The following NFYB variants were observed in gnomAD, a reference collection of about 807,000 sequenced individuals.
The protein encoded by NFYB is CAAT box DNA-binding protein subunit B.
Under a neutral mutation model 28.0 loss-of-function variants are expected in NFYB, and 13 were observed. The ratio of observed to expected loss-of-function variants is 0.46; its 90% confidence interval spans 0.30 to 0.74. The LOEUF (loss-of-function observed/expected upper bound fraction) is 0.74. Among genes scored for constraint, NFYB ranks in the 30% least tolerant of loss-of-function variants. The pLI, the probability that NFYB is intolerant of heterozygous loss-of-function variation, is 0.07. For synonymous variants in NFYB, 74 were observed against 75.0 expected (o/e 0.99, Z 0.07); for missense variants, 142 against 247.6 (o/e 0.57, Z 2.86).
intron 4 of NFYB, 27 bp from the exon 5 acceptor site, chr12:104,123,450 CA>C (rs2030560539): frequency 6.3e-7 from 1 of 1,598,192 alleles, no homozygotes; most frequent in Non-Finnish European, 8.6e-7. Context: ...AGGTAAATTA[CA>C]GAAACTATAA....
intron 2 of NFYB, among the ~76,000 whole-genome samples, chr12:104,134,222 T>C (rs2031024485): frequency 1.3e-5 from 2 of 152,238 alleles, no homozygotes; most frequent in Non-Finnish European, 2.9e-5. Context: ...TCTATGCTTA[T>C]AAATGCCAAA....
chr12:104,122,523 C>T (rs1218333753), intron 5 of NFYB, among the ~76,000 whole-genome samples: 4 of 152,234 alleles, frequency 2.6e-5, no homozygotes, highest in Non-Finnish European at 5.9e-5. Context: ...CTGAGCTCCG[C>T]CTTCGGTCAG....
chr12:104,137,478 G>A (rs1463332691), intron 1 of NFYB: 1 of 152,154 alleles, frequency 6.6e-6, no homozygotes, highest in Non-Finnish European at 1.5e-5. Context: ...CCCCACGCAG[G>A]TGCCTGGGTG....
At chr12:104,122,803 A>G (rs2030530749) in intron 5 of NFYB, among the ~76,000 whole-genome samples, 1 of 152,224 alleles carries the variant, frequency 6.6e-6, no homozygotes, top group Admixed American at 6.5e-5. Flanking sequence ...AATGTTACAT[A>G]ATTTACTACA....
intron 3 of NFYB, among the ~76,000 whole-genome samples, chr12:104,126,650 G>A (rs2030727178): frequency 1.3e-5 from 2 of 151,816 alleles, no homozygotes; most frequent in South Asian, 2.1e-4. Context: ...TTAATGTCAC[G>A]AATCAGCTTT....
In NFYB at chr12:104,126,250, G is replaced by A. The variant is rs779012896; in HGVS notation, c.101-6C>T. 6.5e-6 allele frequency: 10 copies of A among 1,540,958 alleles called. No individual in the cohort carries two copies. In the East Asian group the frequency reaches 2.4e-4, roughly 36 times the overall value. On this transcript the variant is annotated splice_polypyrimidine_tract_variant and splice_region_variant and intron_variant, in intron 3 of 7. Transcript: ENST00000240055. The stretch of plus-strand genomic sequence containing the variant: ...ATTCATGCTGTCCTCAGTATCTAAA[G>A]AAATAAAAATATTTAGGTGTAAAGC...
At chr12:104,136,341 G>A (rs2031099102) in intron 1 of NFYB, among the ~76,000 whole-genome samples, 1 of 152,116 alleles carries the variant, frequency 6.6e-6, no homozygotes, top group Admixed American at 6.5e-5. Context: ...TAATTTTAAA[G>A]GGAGAAGATA....
intron 2 of NFYB, among the ~76,000 whole-genome samples, chr12:104,132,332 G>A (rs1023190630): frequency 6.6e-6 from 1 of 152,008 alleles, no homozygotes; most frequent in African/African-American, 2.4e-5. Context: ...CGCTAAGGAG[G>A]GGCTAGATCA....
In NFYB at chr12:104,121,227, T is replaced by C. The variant is rs773614203; in HGVS notation, c.511+13A>G. ...CTAACAATCTACATGACTTGTATTA[T>C]AACAATGCTTACTAAATGCCTCCTC... On this transcript the variant is annotated intron_variant, in intron 6 of 7. Transcript: ENST00000240055. The C allele has an allele frequency of 1.9e-6, 3 of 1,600,556 alleles. No individual in the cohort carries two copies. Among genetic ancestry groups the C allele is most frequent in the South Asian group, 1.1e-5 (1 of 90,616 alleles).
intron 3 of NFYB, among the ~76,000 whole-genome samples, chr12:104,127,793 C>T (rs2030777263): frequency 6.6e-6 from 1 of 151,116 alleles, no homozygotes; most frequent in Non-Finnish European, 1.5e-5. Flanking sequence ...CCTCCCACCT[C>T]AGCCCCCAGC....
chr12:104,123,880 G>A (rs750588489), intron 4 of NFYB, among the ~76,000 whole-genome samples: 8 of 152,108 alleles, frequency 5.3e-5, no homozygotes, highest in Non-Finnish European at 7.4e-5. Context: ...AGAATTGCTT[G>A]AACCCAGGAG....
At chr12:104,122,935 G>A (rs182415711) in intron 5 of NFYB, among the ~76,000 whole-genome samples, 33 of 152,128 alleles carry the variant, frequency 2.2e-4, no homozygotes, top group African/African-American at 7.5e-4. Flanking sequence ...AGCACTTTGG[G>A]AGGCCGAGGC....
chr12:104,131,863 A>G, intron 2 of NFYB: 1 of 447,198 alleles, frequency 2.2e-6, no homozygotes, highest in Non-Finnish European at 4.5e-6. Flanking sequence ...GAAGGGGTAG[A>G]GAACAGAGCC....
chr12:104,132,750 C>T (rs2030970629), intron 2 of NFYB, among the ~76,000 whole-genome samples: 1 of 152,190 alleles, frequency 6.6e-6, no homozygotes, highest in Non-Finnish European at 1.5e-5. Context: ...CTAGCTGAAG[C>T]TAATGACCGT....
chr12:104,129,199 G>A (rs1244469849), intron 2 of NFYB, among the ~76,000 whole-genome samples: 1 of 152,088 alleles, frequency 6.6e-6, no homozygotes, highest in East Asian at 1.9e-4. Flanking sequence ...GCTGTACACA[G>A]TGTCATGTAC....
At chr12:104,120,815 G>A (rs1302172184) in intron 6 of NFYB, among the ~76,000 whole-genome samples, 2 of 151,990 alleles carry the variant, frequency 1.3e-5, no homozygotes, top group African/African-American at 4.8e-5. Flanking sequence ...ATATAACTGA[G>A]CAGCATATAG....
chr12:104,131,114 T>C (rs917679678), intron 2 of NFYB: 9 of 152,258 alleles, frequency 5.9e-5, no homozygotes, highest in Non-Finnish European at 1.0e-4. Context: ...TTAAATCATA[T>C]TATCTTGTCA....
intron 1 of NFYB, chr12:104,137,649 G>A (rs1055761719): frequency 2.0e-5 from 3 of 149,436 alleles, no homozygotes; most frequent in African/African-American, 7.3e-5. Flanking sequence ...GGCAGACAAA[G>A]CGCCGGGCCC....
At chr12:104,123,162 C>T (rs887979222) in intron 5 of NFYB, 64 bp downstream of exon 5, 12 of 1,266,158 alleles carry the variant, frequency 9.5e-6, no homozygotes, top group Non-Finnish European at 1.3e-5. Context: ...GGCAACAGAG[C>T]GATACTCCAC....
Sources: allele counts gnomAD v4.1 joint callset (sites outside exome capture counted in the v4.1 genomes callset), GRCh38; gene constraint gnomAD v4.1.1; transcripts MANE v1.5; gene names NCBI Gene and HGNC (gene_info 2026-07-23, HGNC 2026-07-21).